The following GALNTL6 variants were observed in gnomAD, a reference collection of about 807,000 sequenced individuals.
GALNTL6 encodes polypeptide N-acetylgalactosaminyltransferase-like 6.
A neutral mutation model predicts 73.7 loss-of-function variants in GALNTL6; 46 were observed. The observed-to-expected ratio is 0.62, with a 90% CI of 0.49 to 0.80. The LOEUF (loss-of-function observed/expected upper bound fraction) is 0.80, where lower values mean the gene tolerates loss of function less well. Ranked by LOEUF, GALNTL6 falls within the 30% of genes least tolerant of loss-of-function variation. The pLI, the probability that GALNTL6 is intolerant of heterozygous loss-of-function variation, is 0.00. For synonymous variants in GALNTL6, 259 were observed against 263.7 expected, an observed-to-expected ratio of 0.98 and a Z score of 0.17; for missense variants, 604 against 755.0, an observed-to-expected ratio of 0.80 and a Z score of 2.34.
At chr4:172,541,947 C>T (rs765959026) in intron 5 of GALNTL6, among the ~76,000 whole-genome samples, 1 of 151,908 alleles carries the variant, frequency 6.6e-6, no homozygotes, top group Non-Finnish European at 1.5e-5. Context: ...ACTGCTCTTC[C>T]CTGGCTCTGG....
At chr4:171,820,983 G>A (rs1223169574) in intron 2 of GALNTL6, among the ~76,000 whole-genome samples, 4 of 152,010 alleles carry the variant, frequency 2.6e-5, no homozygotes, top group African/African-American at 4.8e-5. Flanking sequence ...TGACCAAATT[G>A]TTAGGTATGC....
chr4:172,980,669 CTTG>C (rs904245027), intron 10 of GALNTL6, among the ~76,000 whole-genome samples: 7 of 152,124 alleles, frequency 4.6e-5, no homozygotes, highest in Admixed American at 1.3e-4. Context: ...CTTCCTTCCT[CTTG>C]TTGTTAAGCC....
chr4:172,022,373 A>G (rs1741432120), intron 2 of GALNTL6, among the ~76,000 whole-genome samples: 1 of 152,022 alleles, frequency 6.6e-6, no homozygotes, highest in Non-Finnish European at 1.5e-5. Context: ...CATTTCATCA[A>G]TATTCTTGAT....
chr4:172,899,544 T>C (rs1401617363), intron 8 of GALNTL6, among the ~76,000 whole-genome samples: 5 of 152,190 alleles, frequency 3.3e-5, no homozygotes, highest in African/African-American at 4.8e-5. Flanking sequence ...GTAGTACTGA[T>C]AGTACTAATA....
In GALNTL6 at chr4:172,198,826, A is replaced by G. The variant is rs1194074748; in HGVS notation, c.139-30830A>G. Among the ~76,000 whole-genome samples the G allele has an allele frequency of 5.9e-5, 9 of 152,328 alleles. No homozygotes were observed. In the East Asian group the frequency reaches 1.7e-3, roughly 29 times the overall value. On this transcript the variant is annotated intron_variant, in intron 2 of 12. Coordinates refer to ENST00000506823, the MANE Select transcript of GALNTL6 (RefSeq NM_001034845.3). ...CCACAATGTGCTAATTTACTAACGTAGTGCATGTACTAGCCAGCCATAATG... is the reference window on the plus strand; with the variant it reads ...CCACAATGTGCTAATTTACTAACGTGGTGCATGTACTAGCCAGCCATAATG...
intron 3 of GALNTL6, among the ~76,000 whole-genome samples, chr4:172,288,375 GC>G (rs1350694354): frequency 6.6e-6 from 1 of 152,196 alleles, no homozygotes; most frequent in Non-Finnish European, 1.5e-5. Flanking sequence ...ACAGGCATGA[GC>G]CACAGCGCCT....
chr4:172,921,405 T>A (rs146407411), intron 8 of GALNTL6, among the ~76,000 whole-genome samples: 126 of 152,342 alleles, frequency 8.3e-4, no homozygotes, highest in African/African-American at 2.8e-3. Flanking sequence ...ACATTCTCTA[T>A]GTCCAAATTT....
intron 8 of GALNTL6, among the ~76,000 whole-genome samples, chr4:172,916,555 G>T (rs1257787338): frequency 6.6e-6 from 1 of 152,072 alleles, no homozygotes; most frequent in Non-Finnish European, 1.5e-5. Context: ...AAAGTCTCAG[G>T]ATACAAAATC....
At chr4:172,915,429 A>G (rs546605864) in intron 8 of GALNTL6, among the ~76,000 whole-genome samples, 1 of 152,362 alleles carries the variant, frequency 6.6e-6, no homozygotes, top group East Asian at 1.9e-4. Context: ...GAGACACAAA[A>G]AAACCTTCAA....
At chr4:172,082,548 A>G (rs1398256723) in intron 2 of GALNTL6, among the ~76,000 whole-genome samples, 4 of 152,176 alleles carry the variant, frequency 2.6e-5, no homozygotes, top group Non-Finnish European at 5.9e-5. Context: ...GGGAGAATGT[A>G]CCTGCCAAGG....
At chr4:172,877,026 A>G (rs960382905) in intron 7 of GALNTL6, among the ~76,000 whole-genome samples, 3 of 152,178 alleles carry the variant, frequency 2.0e-5, no homozygotes, top group African/African-American at 7.2e-5. Context: ...ATTGCAAGCC[A>G]CATGTCCAGA....
At chr4:172,631,201 G>C (rs953882762) in intron 5 of GALNTL6, among the ~76,000 whole-genome samples, 1 of 151,710 alleles carries the variant, frequency 6.6e-6, no homozygotes, top group Non-Finnish European at 1.5e-5. Flanking sequence ...GAGTGCAGTG[G>C]CATGATCTCG....
At chr4:172,500,048 A>C (rs1404590544) in intron 5 of GALNTL6, among the ~76,000 whole-genome samples, 3 of 152,210 alleles carry the variant, frequency 2.0e-5, no homozygotes, top group Non-Finnish European at 4.4e-5. Context: ...GTCAAAATAT[A>C]TAAACTTACA....
chr4:172,832,863 A>G (rs1000192966), intron 7 of GALNTL6, among the ~76,000 whole-genome samples: 1 of 152,170 alleles, frequency 6.6e-6, no homozygotes, highest in African/African-American at 2.4e-5. Flanking sequence ...TCGTGGCCAC[A>G]GGTGGTGCTT....
intron 2 of GALNTL6, among the ~76,000 whole-genome samples, chr4:171,993,560 A>G (rs1225462438): frequency 6.6e-6 from 1 of 152,136 alleles, no homozygotes; most frequent in East Asian, 1.9e-4. Context: ...TTCTTGCCAA[A>G]TGAATATTTA....
chr4:172,828,548 A>G (rs1162424085), intron 7 of GALNTL6, among the ~76,000 whole-genome samples: 1 of 152,160 alleles, frequency 6.6e-6, no homozygotes, highest in East Asian at 1.9e-4. Flanking sequence ...GATCACCATC[A>G]TGTGTTAAAT....
chr4:172,530,941 GTGTTATA>G, intron 5 of GALNTL6, among the ~76,000 whole-genome samples: 1 of 58,984 alleles, frequency 1.7e-5, no homozygotes, highest in South Asian at 1.6e-3. Context: ...TACTCGCCGT[GTGTTATA>G]AGCAAGAATC....
At chr4:172,653,541 T>G (rs1242588576) in intron 5 of GALNTL6, among the ~76,000 whole-genome samples, 1 of 152,146 alleles carries the variant, frequency 6.6e-6, no homozygotes, top group Non-Finnish European at 1.5e-5. Flanking sequence ...TACATGACCT[T>G]ACTTCTTTTT....
chr4:171,861,503 T>C (rs1335100895), intron 2 of GALNTL6, among the ~76,000 whole-genome samples: 1 of 152,188 alleles, frequency 6.6e-6, no homozygotes, highest in African/African-American at 2.4e-5. Context: ...CAAACACTTT[T>C]GAAACTCAGT....
Sources: gnomAD v4.1 joint callset for allele counts (sites outside exome capture counted in the v4.1 genomes callset) on GRCh38, gnomAD v4.1.1 for gene constraint, MANE v1.5 for transcripts, NCBI Gene and HGNC (gene_info 2026-07-23, HGNC 2026-07-21) for gene names.